Variants in SMS observed in about 807,000 individuals in gnomAD.
SMS encodes the protein spermine synthase, also known as spermidine aminopropyltransferase.
In SMS, 3 loss-of-function variants were observed where a neutral mutation model predicts 33.0. The observed-to-expected ratio is 0.09, with a 90% CI of 0.04 to 0.23. The LOEUF (loss-of-function observed/expected upper bound fraction) is 0.23, where lower values mean the gene tolerates loss of function less well. Among genes scored for constraint, SMS ranks in the 10% least tolerant of loss-of-function variants. SMS has a pLI of 1.00. For missense variants in SMS, 117 were observed against 288.6 expected, an observed-to-expected ratio of 0.41 and a Z score of 4.31; for synonymous variants, 103 against 112.2, an observed-to-expected ratio of 0.92 and a Z score of 0.52.
intron 1 of SMS, among the ~76,000 whole-genome samples, chrX:21,952,413 G>GTTTTTT (rs1569342226): frequency 1.3e-5 from 1 of 77,383 alleles, no homozygotes; most frequent in Non-Finnish European, 2.4e-5. Context: ...CACGTTGTTT[G>GTTTTTT]TTTGTTTGTT....
intron 4 of SMS, among the ~76,000 whole-genome samples, chrX:21,974,876 T>A (rs143297477): frequency 0.077 from 5,817 of 75,091 alleles, 139 homozygotes; most frequent in Middle Eastern, 0.18. Context: ...TTTTTTTTTT[T>A]AAATCTGGAG....
At chrX:21,963,459 C>T (rs1457379864) in intron 1 of SMS, among the ~76,000 whole-genome samples, 7 of 112,456 alleles carry the variant, frequency 6.2e-5, no homozygotes, top group Non-Finnish European at 1.3e-4. Context: ...CTGAACTTGG[C>T]GGGTAAGCCT....
intron 3 of SMS, 47 bp from the exon 4 acceptor site, chrX:21,972,460 C>T: frequency 8.0e-6 from 7 of 878,687 alleles, no homozygotes; most frequent in South Asian, 2.0e-5. Context: ...TTTAGTTCTT[C>T]CATGCAGCTT....
intron 9 of SMS, among the ~76,000 whole-genome samples, chrX:21,988,973 A>T (rs1385961188): frequency 9.1e-6 from 1 of 110,296 alleles, no homozygotes; most frequent in East Asian, 2.9e-4. Context: ...AGCCCCATTT[A>T]AAAAAAACTG....
At chrX:21,992,302 T>C (rs1222752251) in intron 9 of SMS, among the ~76,000 whole-genome samples, 1 of 112,519 alleles carries the variant, frequency 8.9e-6, no homozygotes, top group Non-Finnish European at 1.9e-5. Context: ...CTTTGCAAAT[T>C]GCATGGTTTT....
intron 2 of SMS, among the ~76,000 whole-genome samples, chrX:21,969,183 G>A (rs984803973): frequency 2.7e-5 from 3 of 111,680 alleles, no homozygotes; most frequent in African/African-American, 9.8e-5. Flanking sequence ...GCCAACCCCT[G>A]TGGCATTAAT....
chrX:21,958,837 C>T (rs991247495), intron 1 of SMS, among the ~76,000 whole-genome samples: 2 of 112,938 alleles, frequency 1.8e-5, no homozygotes, highest in Admixed American at 9.3e-5. Context: ...CCATCACACA[C>T]GGCTAAGGAT....
At chrX:21,944,544 A>AAAAAAAAAAAAAAAAAAAAAAAG (rs1555992699) in intron 1 of SMS, among the ~76,000 whole-genome samples, 4 of 99,058 alleles carry the variant, frequency 4.0e-5, no homozygotes, top group East Asian at 3.4e-4. Flanking sequence ...AAAAAAAAAA[A>AAAAAAAAAAAAAAAAAAAAAAAG]AGAAAAAAAA....
chrX:21,947,762 A>G (rs777129666), intron 1 of SMS, among the ~76,000 whole-genome samples: 17 of 111,356 alleles, frequency 1.5e-4, no homozygotes, highest in Non-Finnish European at 2.8e-4. Flanking sequence ...CTCTGTATCA[A>G]CACATACAAG....
At chrX:21,981,447 C>G (rs1440756500) in intron 7 of SMS, among the ~76,000 whole-genome samples, 1 of 111,360 alleles carries the variant, frequency 9.0e-6, no homozygotes, top group Admixed American at 9.6e-5. Flanking sequence ...CTAAGAATAC[C>G]CAAGAAAACT....
chrX:21,994,573 A>G lies in SMS; in HGVS notation c.*222A>G. 7.0e-6 allele frequency: 7 copies of G among 1,005,084 alleles called. No individual in the cohort carries two copies. Among genetic ancestry groups the G allele is most frequent in the Non-Finnish European group, 7.5e-6 (6 of 797,215 alleles). The allele number at this position is 1,005,084 out of a possible 1,213,427, so 82.8% of individuals were successfully genotyped here. A position where few individuals can be genotyped will look rare whatever the true frequency, so the allele number is the denominator to read the frequency against. On this transcript the variant is annotated 3_prime_UTR_variant, in exon 11 of 11. Coordinates refer to ENST00000404933, the MANE Select transcript of SMS (RefSeq NM_004595.5). Reference sequence around the variant, plus strand: ...CAGCTGAAGGATGGTTAGACAGCACAGCGAAGACTGCTAAATGCACTGACC... The same window carrying G: ...CAGCTGAAGGATGGTTAGACAGCACGGCGAAGACTGCTAAATGCACTGACC...
At chrX:21,943,313 G>T (rs1921954728) in intron 1 of SMS, among the ~76,000 whole-genome samples, 1 of 111,952 alleles carries the variant, frequency 8.9e-6, no homozygotes, top group Non-Finnish European at 1.9e-5. Flanking sequence ...AGTGGGAAAA[G>T]AGCGAATGAA....
chrX:21,977,524 C>T (rs34124534), intron 5 of SMS, among the ~76,000 whole-genome samples: 1 of 111,627 alleles, frequency 9.0e-6, no homozygotes, highest in Non-Finnish European at 1.9e-5. Context: ...CAATTCAAAC[C>T]TAAGTAGACA....
At chrX:21,984,813 C>A (rs1422633120) in intron 8 of SMS, among the ~76,000 whole-genome samples, 2 of 111,584 alleles carry the variant, frequency 1.8e-5, no homozygotes, top group East Asian at 5.6e-4. Context: ...TCTATAAACT[C>A]AAGTTCCTGC....
chrX:21,987,310 T>C (rs1462320334), intron 9 of SMS, among the ~76,000 whole-genome samples: 1 of 112,087 alleles, frequency 8.9e-6, no homozygotes, highest in East Asian at 2.8e-4. Context: ...ATGGGTACTT[T>C]TTAAGCAGAG....
intron 2 of SMS, among the ~76,000 whole-genome samples, chrX:21,967,768 C>A (rs1923844394): frequency 8.9e-6 from 1 of 112,178 alleles, no homozygotes; most frequent in Non-Finnish European, 1.9e-5. Context: ...ATGTATACAC[C>A]CTGAAGTGGC....
At chrX:21,944,544 A>AAAAAAAAAAAAAAAAG (rs1555992699) in intron 1 of SMS, among the ~76,000 whole-genome samples, 3 of 99,058 alleles carry the variant, frequency 3.0e-5, no homozygotes, top group Admixed American at 1.4e-4. Context: ...AAAAAAAAAA[A>AAAAAAAAAAAAAAAAG]AGAAAAAAAA....
intron 1 of SMS, among the ~76,000 whole-genome samples, chrX:21,962,381 CTTCAG>C (rs1923418538): frequency 8.9e-6 from 1 of 112,328 alleles, no homozygotes; most frequent in South Asian, 3.6e-4. Flanking sequence ...TTACCCATGG[CTTCAG>C]TTAGTAAAGA....
At chrX:21,969,773 TAAACAA>T (rs767224558) in intron 2 of SMS, among the ~76,000 whole-genome samples, 1 of 112,660 alleles carries the variant, frequency 8.9e-6, no homozygotes, top group South Asian at 3.7e-4. Context: ...CGAAAAGCAA[TAAACAA>T]AAACAAAAAC....
Sources: gnomAD v4.1 joint callset for allele counts (sites outside exome capture counted in the v4.1 genomes callset) on GRCh38, gnomAD v4.1.1 for gene constraint, MANE v1.5 for transcripts, NCBI Gene and HGNC (gene_info 2026-07-23, HGNC 2026-07-21) for gene names.